Variants in TSPAN5 observed in about 807,000 individuals in gnomAD.
TSPAN5 encodes tetraspanin-5.
TSPAN5 carries 10 observed loss-of-function variants against 37.1 expected under a neutral mutation model. The ratio of observed to expected loss-of-function variants is 0.27; its 90% CI spans 0.17 to 0.46. The LOEUF is 0.46. TSPAN5 is among the 20% of genes least tolerant of loss of function. TSPAN5 has a pLI of 1.00. For synonymous variants in TSPAN5, 110 were observed against 118.9 expected (o/e 0.93, Z 0.48); for missense variants, 195 against 326.6 (o/e 0.60, Z 3.11).
rs56142906 is a variant in TSPAN5 at position 98,513,861 on chromosome 4, A to AATAGATAGATAGATAG, written c.82-6149_82-6134dup. On this transcript the variant is annotated intron_variant, in intron 1 of 7. Coordinates refer to ENST00000305798, the MANE Select transcript of TSPAN5 (RefSeq NM_005723.4). Reference sequence around the variant, plus strand: ...CTGCTACTTTTATTCATAAAAAGCAAATAGATAGATAGATAGATAGATAGA... The same window carrying AATAGATAGATAGATAG: ...CTGCTACTTTTATTCATAAAAAGCAAATAGATAGATAGATAGATAGATAGATAGATAGATAGATAGA... Among the ~76,000 whole-genome samples the AATAGATAGATAGATAG allele has an allele frequency of 4.4e-4, 66 of 149,662 alleles. 1 individual carries two copies. The highest frequency in any genetic ancestry group is 6.7e-4 in the Admixed American group (10 of 14,866).
intron 1 of TSPAN5, among the ~76,000 whole-genome samples, chr4:98,511,371 C>T (rs548827231): frequency 4.6e-5 from 7 of 152,258 alleles, no homozygotes; most frequent in South Asian, 4.1e-4. Flanking sequence ...CAGCCTATGA[C>T]GCACCTAGGC....
chr4:98,506,588 C>T (rs1044034639), intron 2 of TSPAN5, among the ~76,000 whole-genome samples: 6 of 152,132 alleles, frequency 3.9e-5, no homozygotes, highest in Non-Finnish European at 8.8e-5. Context: ...CTCTGAGGGG[C>T]TTTTGTTGAC....
chr4:98,482,512 G>C (rs1365723698), intron 3 of TSPAN5: 1 of 179,798 alleles, frequency 5.6e-6, no homozygotes, highest in African/African-American at 2.4e-5. Context: ...CCAGATGCTT[G>C]TAACAATGAC....
chr4:98,525,630 G>A (rs1578967043), intron 1 of TSPAN5, among the ~76,000 whole-genome samples: 1 of 152,176 alleles, frequency 6.6e-6, no homozygotes, highest in Non-Finnish European at 1.5e-5. Flanking sequence ...AGGCTGGAGT[G>A]CAGTGGTGAG....
chr4:98,613,282 G>A (rs2110237250), intron 1 of TSPAN5, among the ~76,000 whole-genome samples: 1 of 152,124 alleles, frequency 6.6e-6, no homozygotes, highest in South Asian at 2.1e-4. Context: ...TTACAGTAAT[G>A]CTACAATTTC....
At chr4:98,504,668 T>G (rs1169381616) in intron 2 of TSPAN5, among the ~76,000 whole-genome samples, 1 of 152,160 alleles carries the variant, frequency 6.6e-6, no homozygotes, top group African/African-American at 2.4e-5. Context: ...CATTTAATCT[T>G]CACAACAATT....
At chr4:98,505,508 G>C (rs1753459109) in intron 2 of TSPAN5, among the ~76,000 whole-genome samples, 1 of 152,106 alleles carries the variant, frequency 6.6e-6, no homozygotes, top group Non-Finnish European at 1.5e-5. Flanking sequence ...CCTTCATCCA[G>C]GTCTCTGCTC....
At chr4:98,654,836 T>C (rs1193708366) in intron 1 of TSPAN5, among the ~76,000 whole-genome samples, 1 of 151,936 alleles carries the variant, frequency 6.6e-6, no homozygotes, top group African/African-American at 2.4e-5. Flanking sequence ...TAGTGAAAGG[T>C]TTTTTGTTTT....
intron 2 of TSPAN5, among the ~76,000 whole-genome samples, chr4:98,501,678 C>A (rs908937027): frequency 6.6e-6 from 1 of 151,950 alleles, no homozygotes; most frequent in South Asian, 2.1e-4. Context: ...GTTTGGGATG[C>A]GGGAGGAATA....
chr4:98,648,782 G>A (rs1272227356), intron 1 of TSPAN5, among the ~76,000 whole-genome samples: 1 of 152,208 alleles, frequency 6.6e-6, no homozygotes, highest in Non-Finnish European at 1.5e-5. Context: ...GGAAGGAGAG[G>A]CCACATCTTC....
At chr4:98,609,151 C>T (rs1442466535) in intron 1 of TSPAN5, among the ~76,000 whole-genome samples, 1 of 152,088 alleles carries the variant, frequency 6.6e-6, no homozygotes. Context: ...CAACAGCTAC[C>T]ACCACTAGAC....
intron 1 of TSPAN5, among the ~76,000 whole-genome samples, chr4:98,623,089 G>A (rs1226816685): frequency 6.6e-6 from 1 of 152,150 alleles, no homozygotes; most frequent in African/African-American, 2.4e-5. Flanking sequence ...TTAGGGGAGG[G>A]GAGGGTAGTG....
intron 1 of TSPAN5, among the ~76,000 whole-genome samples, chr4:98,527,216 A>C (rs1190538212): frequency 1.3e-5 from 2 of 152,200 alleles, no homozygotes; most frequent in Admixed American, 1.3e-4. Flanking sequence ...TTTGAATCCA[A>C]AGCTCATAAT....
At chr4:98,494,992 G>A (rs1753168499) in intron 2 of TSPAN5, among the ~76,000 whole-genome samples, 2 of 152,204 alleles carry the variant, frequency 1.3e-5, no homozygotes, top group African/African-American at 4.8e-5. Context: ...ACTGAGAAGT[G>A]GTGCAGCAGA....
chr4:98,602,992 T>C (rs978176123), intron 1 of TSPAN5, among the ~76,000 whole-genome samples: 2 of 152,202 alleles, frequency 1.3e-5, no homozygotes, highest in Non-Finnish European at 2.9e-5. Context: ...TTTACCACTG[T>C]AGTGTGGGAA....
At chr4:98,574,266 C>T (rs1462783838) in intron 1 of TSPAN5, among the ~76,000 whole-genome samples, 1 of 152,158 alleles carries the variant, frequency 6.6e-6, no homozygotes, top group Non-Finnish European at 1.5e-5. Flanking sequence ...TGCATCTCTT[C>T]ATTTTTTCTA....
At chr4:98,567,623 G>C (rs1755034064) in intron 1 of TSPAN5, among the ~76,000 whole-genome samples, 1 of 152,176 alleles carries the variant, frequency 6.6e-6, no homozygotes, top group Non-Finnish European at 1.5e-5. Flanking sequence ...ATCGCAGATG[G>C]GTCTGCCTCC....
At chr4:98,581,693 G>T (rs972067655) in intron 1 of TSPAN5, among the ~76,000 whole-genome samples, 1 of 152,100 alleles carries the variant, frequency 6.6e-6, no homozygotes, top group African/African-American at 2.4e-5. Flanking sequence ...ACATTAAAAA[G>T]AAAAGGGTAA....
chr4:98,472,567 G>A lies in TSPAN5; in HGVS notation c.762C>T (p.Ala254=). Residue 254 remains alanine (A), a synonymous_variant, in exon 8 of 8, where the codon GCC becomes GCT. Coordinates refer to ENST00000305798, the MANE Select transcript of TSPAN5 (RefSeq NM_005723.4). ...ALLQIFGICL[A]QNLVSDIEAV... ...CTTCGATATCGCTAACCAAATTCTGGGCCAGGCATATCCCAAATATCTGAG... is the reference window on the plus strand; with the variant it reads ...CTTCGATATCGCTAACCAAATTCTGAGCCAGGCATATCCCAAATATCTGAG... 3 of 1,613,740 alleles carry A rather than the reference G, an allele frequency of 1.9e-6. No individual in the cohort carries two copies. Among genetic ancestry groups the A allele is most frequent in the Non-Finnish European group, 1.7e-6 (2 of 1,179,906 alleles).
Sources: allele counts gnomAD v4.1 joint callset (sites outside exome capture counted in the v4.1 genomes callset), GRCh38; gene constraint gnomAD v4.1.1; transcripts MANE v1.5; gene names NCBI Gene and HGNC (gene_info 2026-07-23, HGNC 2026-07-21).